Variants in KLK4 observed in about 807,000 individuals in gnomAD.
KLK4 encodes the protein kallikrein-4.
Under a neutral mutation model 24.3 loss-of-function variants are expected in KLK4, and 24 were observed. The observed-to-expected ratio is 0.99, with a 90% CI of 0.72 to 1.39. KLK4 has a LOEUF of 1.39. Ranked by LOEUF, KLK4 falls within the 40% of genes most tolerant of loss-of-function variation. The pLI is 0.00. For missense variants in KLK4, 344 were observed against 327.4 expected (o/e 1.05, Z -0.39); for synonymous variants, 142 against 138.8 (o/e 1.02, Z -0.16).
In KLK4 at chr19:50,910,877, C is replaced by T. The variant is rs997143491; in HGVS notation, c.-11-128G>A. 2 of 764,574 alleles carry T rather than the reference C, an allele frequency of 2.6e-6. No individual in the cohort carries two copies. Among genetic ancestry groups the T allele is most frequent in the South Asian group, 1.5e-5 (1 of 67,476 alleles). 47.4% of individuals were successfully genotyped at this position (764,574 alleles called of 1,614,324 possible). ...GGTAGGCAAGAGCCTAGACCATCTA[C>T]CCCCTCTCCCATCCATGGACCCAGA... is the stretch of plus-strand genomic sequence containing the variant. On this transcript the variant is annotated intron_variant, in intron 1 of 5. Coordinates refer to ENST00000324041, the Ensembl canonical transcript of KLK4. The surrounding 1 kb of genome is among the most constrained non-coding windows in gnomAD (Gnocchi z 4.4).
chr19:50,906,797 A>G (rs1600042447), exon 6 of KLK4: 7 of 906,346 alleles, frequency 7.7e-6, no homozygotes, highest in Non-Finnish European at 1.1e-5. Flanking sequence ...GGGGATCTGT[A>G]CCCTTGGTTT....
chr19:50,908,530 T>A (rs766978137), intron 4 of KLK4, 35 bp from the exon 5 acceptor site: 15 of 1,614,002 alleles, frequency 9.3e-6, no homozygotes, highest in Non-Finnish European at 1.2e-5. Context: ...CCCCCGCGAC[T>A]GGGCAGAGGA....
At chr19:50,908,897 C>T in intron 3 of KLK4, 68 bp from the exon 4 acceptor site, 2 of 1,593,058 alleles carry the variant, frequency 1.3e-6, no homozygotes, top group Non-Finnish European at 1.7e-6. Flanking sequence ...CATCTTCAAC[C>T]CCATTCCCAT....
Position 50,910,879 on chromosome 19 carries a change from C to G in KLK4, c.-11-130G>C. 1.3e-6 allele frequency: 1 copy of G among 761,322 alleles called. No homozygotes were observed. The highest frequency in any genetic ancestry group is 2.3e-6 in the Non-Finnish European group (1 of 436,556). The allele number at this position is 761,322 out of a possible 1,614,324, so 47.2% of individuals were successfully genotyped here. A position where few individuals can be genotyped will look rare whatever the true frequency, so the allele number is the denominator to read the frequency against. ...TAGGCAAGAGCCTAGACCATCTACC[C>G]CCTCTCCCATCCATGGACCCAGAAC... On this transcript the variant is annotated intron_variant, in intron 1 of 5. Coordinates refer to ENST00000324041, the Ensembl canonical transcript of KLK4. This position sits in a 1 kb window ranked among gnomAD's most constrained non-coding sequence, Gnocchi z 4.4.
intron 5 of KLK4, 81 bp downstream of exon 5, chr19:50,908,278 G>T (rs1192078168): frequency 6.5e-7 from 1 of 1,538,126 alleles, no homozygotes. Flanking sequence ...TCTGCATCTC[G>T]CCATGCGGCC....
chr19:50,907,030 G>A (rs35945487), exon 6 of KLK4: 19,089 of 1,614,132 alleles, frequency 0.012, 176 homozygotes, highest in Non-Finnish European at 0.012. Flanking sequence ...GGGCTTTTCC[G>A]AAAGACACAA....
chr19:50,908,335 G>T lies in KLK4; in HGVS notation c.612+24C>A, dbSNP rs202179428. ...TTCTCCACCCTTCCCTGAGTCGCCTGCCCTCCCCTTTCCCCTCTCTCACGT... is the reference window on the plus strand; with the variant it reads ...TTCTCCACCCTTCCCTGAGTCGCCTTCCCTCCCCTTTCCCCTCTCTCACGT... On this transcript the variant is annotated intron_variant, in intron 5 of 5. Coordinates refer to ENST00000324041, the Ensembl canonical transcript of KLK4. 1.2e-5 allele frequency: 19 copies of T among 1,610,864 alleles called. 1 individual carries two copies. In the Admixed American group the frequency reaches 3.2e-4, roughly 27 times the overall value.
At chr19:50,909,222 C>A (rs1355916010) in intron 3 of KLK4, 30 bp downstream of exon 3, 5 of 1,614,016 alleles carry the variant, frequency 3.1e-6, no homozygotes, top group Non-Finnish European at 4.2e-6. Flanking sequence ...GGACCCAGGC[C>A]CTGCCCACTC....
At chr19:50,907,651 C>T (rs144295635) in intron 5 of KLK4, among the ~76,000 whole-genome samples, 1 of 152,280 alleles carries the variant, frequency 6.6e-6, no homozygotes, top group Non-Finnish European at 1.5e-5. Flanking sequence ...AAGTGATCTG[C>T]CTGCCTCGCC....
exon 3 of KLK4, chr19:50,909,306 G>A: frequency 1.2e-6 from 2 of 1,614,212 alleles, no homozygotes; most frequent in Non-Finnish European, 1.7e-6. Flanking sequence ...CAGGACGCCC[G>A]AGCAGAACAA....
At position 50,906,894 on chromosome 19, in the gene KLK4, G is replaced by A. The variant is rs752454824; in HGVS notation, c.*40C>T. On this transcript the variant is annotated 3_prime_UTR_variant, in exon 6 of 6. Coordinates refer to ENST00000324041, the Ensembl canonical transcript of KLK4. Reference sequence around the variant, plus strand: ...TATTCCTGAATTCCTTCCGCAGGATGTATTTGGGGGTCAATTTCATGGGTT... The same window carrying A: ...TATTCCTGAATTCCTTCCGCAGGATATATTTGGGGGTCAATTTCATGGGTT... 6.2e-6 allele frequency: 10 copies of A among 1,612,266 alleles called. No individual in the cohort carries two copies. The South Asian group carries it at 1.1e-4, about 18-fold the overall frequency.
At chr19:50,911,181 T>A (rs1028470179) in intron 1 of KLK4, among the ~76,000 whole-genome samples, 158 bp downstream of exon 1, 1 of 152,084 alleles carries the variant, frequency 6.6e-6, no homozygotes, top group South Asian at 2.1e-4. Flanking sequence ...GACCCCTAAC[T>A]AGAGACAGTG....
exon 6 of KLK4, chr19:50,906,861 G>T: frequency 2.5e-6 from 4 of 1,589,086 alleles, no homozygotes; most frequent in Non-Finnish European, 2.6e-6. Flanking sequence ...GGAGGGGCTG[G>T]GAACAGATAT....
chr19:50,906,715 G>A (rs1654555), exon 6 of KLK4: 98 of 286,934 alleles, frequency 3.4e-4, no homozygotes, highest in African/African-American at 2.6e-3. Context: ...GAGGGAGGAG[G>A]GGCTGGACTC....
exon 4 of KLK4, chr19:50,908,804 G>T (rs775770304): frequency 1.4e-5 from 22 of 1,613,252 alleles, no homozygotes; most frequent in East Asian, 2.2e-5. Context: ...TCAAGACTGT[G>T]CAGGCCCAGC....
chr19:50,909,212 G>T (rs559564998), intron 3 of KLK4, 40 bp downstream of exon 3: 12 of 1,608,776 alleles, frequency 7.5e-6, no homozygotes, highest in African/African-American at 1.3e-5. Flanking sequence ...CCCCGCCCCC[G>T]GACCCAGGCC....
rs2090475472 is a variant in KLK4 at position 50,910,175 on chromosome 19, C to G, written c.61+503G>C. On this transcript the variant is annotated intron_variant, in intron 2 of 5. Transcript: ENST00000324041. This position sits in a 1 kb window ranked among gnomAD's most constrained non-coding sequence, Gnocchi z 4.4. ...CTGCGCAGACTGATGCTCAAAGAGTCGGTCCTGCGCCGAGTCACTCCTATC... is the reference window on the plus strand; with the variant it reads ...CTGCGCAGACTGATGCTCAAAGAGTGGGTCCTGCGCCGAGTCACTCCTATC... Among the ~76,000 whole-genome samples, 1 of 151,944 alleles carries G rather than the reference C, an allele frequency of 6.6e-6. No homozygotes were observed. Among genetic ancestry groups the G allele is most frequent in the African/African-American group, 2.4e-5 (1 of 41,314 alleles).
intron 3 of KLK4, 84 bp downstream of exon 3, chr19:50,909,168 C>A: frequency 6.2e-7 from 1 of 1,609,268 alleles, no homozygotes; most frequent in Non-Finnish European, 8.5e-7. Context: ...CCGCTGTTTC[C>A]CCCTGAGCAC....
chr19:50,910,216 C>T lies in KLK4; in HGVS notation c.61+462G>A, dbSNP rs563759938. Among the ~76,000 whole-genome samples the T allele has an allele frequency of 6.6e-6, 1 of 152,134 alleles. No individual in the cohort carries two copies. The highest frequency in any genetic ancestry group is 2.4e-5 in the African/African-American group (1 of 41,490). On this transcript the variant is annotated intron_variant, in intron 2 of 5. Coordinates refer to ENST00000324041, the Ensembl canonical transcript of KLK4. This position sits in a 1 kb window ranked among gnomAD's most constrained non-coding sequence, Gnocchi z 4.4. ...CACTCCTATCCTCTCCCAGCCTTGC[C>T]CACAGTCACACCAAGCCACAAGCCC...
Sources: allele counts gnomAD v4.1 joint callset (sites outside exome capture counted in the v4.1 genomes callset), GRCh38; gene constraint gnomAD v4.1.1; non-coding constraint Gnocchi (gnomAD v3.1); transcripts MANE v1.5; gene names NCBI Gene and HGNC (gene_info 2026-07-23, HGNC 2026-07-21).